The following MBNL2 variants were observed in gnomAD, a reference collection of about 807,000 sequenced individuals.
The protein encoded by MBNL2 is muscleblind like splicing regulator 2.
Under a neutral mutation model 41.9 loss-of-function variants are expected in MBNL2, and 17 were observed. That is an observed-to-expected ratio of 0.41 (90% CI 0.28 to 0.61). MBNL2 has a LOEUF of 0.61. Among genes scored for constraint, MBNL2 ranks in the 20% least tolerant of loss-of-function variants. The pLI is 0.35. For missense variants in MBNL2, 336 were observed against 505.6 expected (o/e 0.66, Z 3.22); for synonymous variants, 195 against 182.9 (o/e 1.07, Z -0.53).
chr13:97,322,950 T>G (rs1445184403), intron 2 of MBNL2, among the ~76,000 whole-genome samples: 2 of 151,770 alleles, frequency 1.3e-5, no homozygotes, highest in Non-Finnish European at 2.9e-5. Context: ...GCTTAACTCT[T>G]TGATTGCTGG....
chr13:97,309,619 G>GT (rs2058409310), intron 2 of MBNL2, among the ~76,000 whole-genome samples: 1 of 152,134 alleles, frequency 6.6e-6, no homozygotes, highest in African/African-American at 2.4e-5. Flanking sequence ...ATAAGGTTCT[G>GT]TTGTTTGAGC....
intron 4 of MBNL2, among the ~76,000 whole-genome samples, chr13:97,343,675 C>A (rs1408194716): frequency 1.3e-5 from 2 of 152,196 alleles, no homozygotes; most frequent in Non-Finnish European, 2.9e-5. Context: ...CAACTATTTA[C>A]CAATTGGTAT....
the MBNL2 span, among the ~76,000 whole-genome samples, chr13:97,194,304 G>GCCTA: frequency 6.6e-6 from 1 of 152,108 alleles, no homozygotes; most frequent in African/African-American, 2.4e-5. Flanking sequence ...TATCTTCAAT[G>GCCTA]CCTACCACTG....
At chr13:97,229,950 C>CAAAT (rs1043924342) in intron 1 of MBNL2, among the ~76,000 whole-genome samples, 1 of 152,104 alleles carries the variant, frequency 6.6e-6, no homozygotes, top group African/African-American at 2.4e-5. Flanking sequence ...GGAGAAAGGG[C>CAAAT]AAATCCAAAA....
In MBNL2 at chr13:97,334,423, A is replaced by G. The variant is rs1480876351; in HGVS notation, c.322A>G (p.Thr108Ala). 1 of 1,612,534 alleles carries G rather than the reference A, an allele frequency of 6.2e-7. No homozygotes were observed. Among genetic ancestry groups the G allele is most frequent in the Admixed American group, 1.7e-5 (1 of 59,918 alleles). The change falls in exon 3 of 9, where the codon ACA (threonine) becomes GCA (alanine). Residue 108 changes from threonine to alanine, a missense_variant. Transcript: ENST00000679496. This position sits in a 1 kb window ranked among gnomAD's most constrained non-coding sequence, Gnocchi z 5.3. ...AQQMQFMFPG[T>A]PLHPVPTFPV... is the part of the protein sequence containing the mutation. ...GCAGATGCAATTTATGTTTCCAGGA[A>G]CACCACTTCATCCAGTGGTGAGTAC...
At chr13:97,175,727 G>A in the MBNL2 span, among the ~76,000 whole-genome samples, 1 of 152,140 alleles carries the variant, frequency 6.6e-6, no homozygotes, top group African/African-American at 2.4e-5. Flanking sequence ...GAAGCTGAGG[G>A]CAATAAGTGT....
In MBNL2 at chr13:97,276,391, C is replaced by T; in HGVS notation, c.156C>T (p.Ala52=). The T allele has an allele frequency of 6.2e-7, 1 of 1,614,044 alleles. No homozygotes were observed. The highest frequency in any genetic ancestry group is 8.5e-7 in the Non-Finnish European group (1 of 1,179,932). ...SCQVENGRVI[A]CFDSLKGRCS... ...AGGTTGAAAATGGAAGAGTAATTGC[C>T]TGCTTTGATTCCCTAAAGGTAAGAG... The change falls in exon 2 of 9, where the codon GCC becomes GCT. Residue 52 remains alanine (A), a synonymous_variant. Coordinates refer to ENST00000679496, the MANE Select transcript of MBNL2 (RefSeq NM_001382683.1).
At position 97,287,925 on chromosome 13, in the gene MBNL2, TTTTGTTTTGTTTTG is replaced by T. The variant is rs1466588525; in HGVS notation, c.174+11520_174+11533del. Among the ~76,000 whole-genome samples, 162 of 95,912 alleles carry T rather than the reference TTTTGTTTTGTTTTG, an allele frequency of 1.7e-3. 8 individuals are homozygous for T. Among genetic ancestry groups the T allele is most frequent in the Middle Eastern group, 5.0e-3 (1 of 202 alleles). The allele number at this position is 95,912 out of a possible 152,430, so 62.9% of individuals were successfully genotyped here. A position where few individuals can be genotyped will look rare whatever the true frequency, so the allele number is the denominator to read the frequency against. ...AGGCCCGGCTAATTTTCTGTTTTTTTTTTGTTTTGTTTTGTTTTTTTTTTTTTTAGTAGAGATGG... is the reference window on the plus strand; with the variant it reads ...AGGCCCGGCTAATTTTCTGTTTTTTTTTTTTTTTTTTTTTAGTAGAGATGG... On this transcript the variant is annotated intron_variant, in intron 2 of 8. Transcript: ENST00000679496.
At chr13:97,157,752 A>G in the MBNL2 span, among the ~76,000 whole-genome samples, 1 of 148,790 alleles carries the variant, frequency 6.7e-6, no homozygotes, top group Non-Finnish European at 1.5e-5. Flanking sequence ...AGCCCACTTG[A>G]TCATGGTGGA....
intron 2 of MBNL2, among the ~76,000 whole-genome samples, chr13:97,332,984 G>A (rs1313580504): frequency 6.6e-6 from 1 of 152,160 alleles, no homozygotes; most frequent in Non-Finnish European, 1.5e-5. Flanking sequence ...CCATGGTGGT[G>A]GGGGAAGATT....
intron 2 of MBNL2, among the ~76,000 whole-genome samples, chr13:97,309,540 G>C (rs1248213373): frequency 2.0e-5 from 3 of 152,160 alleles, no homozygotes; most frequent in East Asian, 3.9e-4. Flanking sequence ...CTTTTCCTCA[G>C]GGCCCTCAGA....
At chr13:97,154,346 G>C in the MBNL2 span, among the ~76,000 whole-genome samples, 7 of 151,998 alleles carry the variant, frequency 4.6e-5, no homozygotes, top group Non-Finnish European at 7.4e-5. Context: ...ACAGAGTCTT[G>C]CTCTTTTTCC....
In MBNL2 at chr13:97,346,987, G is replaced by A. The variant is rs1275656847; in HGVS notation, c.724G>A (p.Ala242Thr). The change falls in exon 5 of 9, where the codon GCC (alanine) becomes ACC (threonine). Residue 242 changes from alanine to threonine, a missense_variant. Transcript: ENST00000679496. This position sits in a 1 kb window ranked among gnomAD's most constrained non-coding sequence, Gnocchi z 4.2. ...TTTTCACCCTCCTGCACACTTGCAG[G>A]CCAAAATCAAAGCTGCGCAGCACCA... ...KYFHPPAHLQ[A>T]KIKAAQHQAN... 1 of 1,613,698 alleles carries A rather than the reference G, an allele frequency of 6.2e-7. No individual in the cohort carries two copies. Among genetic ancestry groups the A allele is most frequent in the African/African-American group, 1.3e-5 (1 of 74,908 alleles).
chr13:97,221,155 C>A (rs1039916058), upstream of MBNL2, among the ~76,000 whole-genome samples: 1 of 152,126 alleles, frequency 6.6e-6, no homozygotes, highest in Non-Finnish European at 1.5e-5. Context: ...ATTACAGATG[C>A]GCTGAACAGT....
intron 1 of MBNL2, among the ~76,000 whole-genome samples, chr13:97,234,662 C>T (rs2042955943): frequency 6.6e-6 from 1 of 152,178 alleles, no homozygotes; most frequent in Non-Finnish European, 1.5e-5. Flanking sequence ...CAAAATTACC[C>T]ACAAGGACAA....
the MBNL2 span, among the ~76,000 whole-genome samples, chr13:97,183,074 G>C: frequency 6.6e-6 from 1 of 152,158 alleles, no homozygotes; most frequent in South Asian, 2.1e-4. Flanking sequence ...CATAAACGCA[G>C]ATGCATCAAA....
In MBNL2 at chr13:97,391,311, C is replaced by G. The variant is rs774678602; in HGVS notation, c.1049-11C>G. On this transcript the variant is annotated splice_polypyrimidine_tract_variant and intron_variant, in intron 8 of 8. Coordinates refer to ENST00000679496, the MANE Select transcript of MBNL2 (RefSeq NM_001382683.1). ...GGATACCTAAATCATGCTTGTCTTTCTCTTTAACAGATAATTCTGAAATAA... is the reference window on the plus strand; with the variant it reads ...GGATACCTAAATCATGCTTGTCTTTGTCTTTAACAGATAATTCTGAAATAA... 1 of 1,179,228 alleles carries G rather than the reference C, an allele frequency of 8.5e-7. No homozygotes were observed. The highest frequency in any genetic ancestry group is 1.5e-5 in the African/African-American group (1 of 66,510). The allele number at this position is 1,179,228 out of a possible 1,614,324, so 73.0% of individuals were successfully genotyped here. A position where few individuals can be genotyped will look rare whatever the true frequency, so the allele number is the denominator to read the frequency against.
the MBNL2 span, among the ~76,000 whole-genome samples, chr13:97,182,150 G>A: frequency 6.6e-6 from 1 of 152,168 alleles, no homozygotes; most frequent in Non-Finnish European, 1.5e-5. Flanking sequence ...CCACAAAAGT[G>A]GAAGGAAGGC....
intron 7 of MBNL2, among the ~76,000 whole-genome samples, chr13:97,364,592 C>T (rs898192341): frequency 5.9e-5 from 9 of 152,106 alleles, no homozygotes; most frequent in Admixed American, 2.0e-4. Flanking sequence ...ATTTTCATAC[C>T]GTTGGTGACA....
Sources: gnomAD v4.1 joint callset for allele counts (sites outside exome capture counted in the v4.1 genomes callset) on GRCh38, gnomAD v4.1.1 for gene constraint, Gnocchi (gnomAD v3.1) non-coding constraint, MANE v1.5 for transcripts, NCBI Gene and HGNC (gene_info 2026-07-23, HGNC 2026-07-21) for gene names.